The following POU2F2 variants were observed in gnomAD, a reference collection of about 807,000 sequenced individuals.
The protein encoded by POU2F2 is POU domain, class 2, transcription factor 2.
POU2F2 carries 14 observed loss-of-function variants against 63.5 expected under a neutral mutation model. The ratio of observed to expected loss-of-function variants is 0.22; its 90% confidence interval spans 0.15 to 0.34. The LOEUF is 0.34. Among genes scored for constraint, POU2F2 ranks in the 10% least tolerant of loss-of-function variants. POU2F2 has a pLI of 1.00. For synonymous variants in POU2F2, 306 were observed against 348.6 expected, an observed-to-expected ratio of 0.88 and a Z score of 1.36; for missense variants, 607 against 815.2, an observed-to-expected ratio of 0.74 and a Z score of 3.11.
At chr19:42,128,146 A>G (rs947218313) in intron 1 of POU2F2, among the ~76,000 whole-genome samples, 1 of 151,922 alleles carries the variant, frequency 6.6e-6, no homozygotes. Context: ...CTCCACCCCA[A>G]CTGTGGGCTC....
At chr19:42,161,833 C>T (rs901183059) in intron 1 of POU2F2, among the ~76,000 whole-genome samples, 22 of 152,158 alleles carry the variant, frequency 1.4e-4, no homozygotes, top group African/African-American at 4.6e-4. Context: ...GGGGCTGCTT[C>T]CCCCCAGCCC....
At chr19:42,154,315 G>A (rs1324744050) in intron 2 of POU2F2, among the ~76,000 whole-genome samples, 6 of 152,000 alleles carry the variant, frequency 3.9e-5, no homozygotes, top group Non-Finnish European at 8.8e-5. Context: ...GGCACACGCA[G>A]AGAGATGCAC....
At chr19:42,133,939 G>A (rs1247956174), upstream of POU2F2, among the ~76,000 whole-genome samples, 1 of 152,098 alleles carries the variant, frequency 6.6e-6, no homozygotes, top group Non-Finnish European at 1.5e-5. This position sits in a 1 kb window ranked among gnomAD's most constrained non-coding sequence, Gnocchi z 5.1. Flanking sequence ...GGGCACAACA[G>A]GAAGGACTGG....
intron 2 of POU2F2, among the ~76,000 whole-genome samples, chr19:42,145,487 T>A (rs143332693): frequency 1.3e-5 from 2 of 152,254 alleles, no homozygotes; most frequent in Non-Finnish European, 1.5e-5. Flanking sequence ...CCAGATCGCA[T>A]GAGACACAGT....
Position 42,117,435 on chromosome 19 carries a change from G to T in POU2F2, c.187-3C>A. On this transcript the variant is annotated splice_region_variant and splice_polypyrimidine_tract_variant and intron_variant, in intron 4 of 14. Transcript: ENST00000692977. The surrounding 1 kb of genome is among the most constrained non-coding windows in gnomAD (Gnocchi z 4.4). ...TGGAGGCCAGAGAGAATGCCCACCT[G>T]TGAACCAAAGAGAGGGCACGTGTGT... is the stretch of plus-strand genomic sequence containing the variant. The T allele has an allele frequency of 8.9e-7, 1 of 1,129,612 alleles. No individual in the cohort carries two copies. The highest frequency in any genetic ancestry group is 1.3e-6 in the Non-Finnish European group (1 of 783,436). The allele number at this position is 1,129,612 out of a possible 1,614,324, so 70.0% of individuals were successfully genotyped here.
At chr19:42,187,115 C>T (rs186289006) in intron 1 of POU2F2, among the ~76,000 whole-genome samples, 14 of 152,022 alleles carry the variant, frequency 9.2e-5, no homozygotes, top group African/African-American at 2.9e-4. Context: ...AAGAATACGC[C>T]GAATGTGAAG....
intron 1 of POU2F2, among the ~76,000 whole-genome samples, chr19:42,195,023 GAGGAACGAAGGGAGGGAGGGAGGA>G (rs2035119265): frequency 2.5e-5 from 2 of 81,036 alleles, no homozygotes; most frequent in African/African-American, 4.7e-5. Context: ...GGGAGGGAGG[GAGGAACGAAGGGAGGGAGGGAGGA>G]AGGAAGGGAG....
intron 2 of POU2F2, among the ~76,000 whole-genome samples, chr19:42,149,410 A>G (rs1449310400): frequency 6.6e-6 from 1 of 152,120 alleles, no homozygotes; most frequent in Non-Finnish European, 1.5e-5. Context: ...GGGAGGGGAG[A>G]TGAACCAAGA....
intron 2 of POU2F2, among the ~76,000 whole-genome samples, chr19:42,142,726 C>T (rs754267507): frequency 6.6e-6 from 1 of 152,002 alleles, no homozygotes; most frequent in Non-Finnish European, 1.5e-5. Context: ...CCACACCCAG[C>T]TAAGTTTTGT....
upstream of POU2F2, chr19:42,133,625 T>C (rs1344744311): frequency 6.5e-6 from 1 of 154,426 alleles, no homozygotes; most frequent in African/African-American, 2.4e-5. This position sits in a 1 kb window ranked among gnomAD's most constrained non-coding sequence, Gnocchi z 5.1. Flanking sequence ...ACCCCAGCAC[T>C]TCACACACAC....
intron 2 of POU2F2, among the ~76,000 whole-genome samples, chr19:42,150,644 A>G (rs913099378): frequency 2.2e-5 from 3 of 139,462 alleles, no homozygotes; most frequent in Non-Finnish European, 3.1e-5. Flanking sequence ...TCCCCCCTGC[A>G]CCCCCCTCCC....
At chr19:42,109,672 G>A (rs2030759227) in intron 5 of POU2F2, among the ~76,000 whole-genome samples, 1 of 152,134 alleles carries the variant, frequency 6.6e-6, no homozygotes, top group Non-Finnish European at 1.5e-5. Context: ...ACAGGGTCTT[G>A]CTCTGTTACC....
At chr19:42,151,248 C>T (rs117285798) in intron 2 of POU2F2, among the ~76,000 whole-genome samples, 14,126 of 139,374 alleles carry the variant, frequency 0.1, 896 homozygotes, top group South Asian at 0.21. Context: ...CTGACACTGG[C>T]GGGATGGCCT....
chr19:42,110,700 C>T (rs1481596570), intron 5 of POU2F2: 1 of 456,038 alleles, frequency 2.2e-6, no homozygotes, highest in Non-Finnish European at 4.4e-6. Context: ...CCGTTCCTTA[C>T]CCTCTTTAAG....
At chr19:42,178,456 T>C (rs1410156523), upstream of POU2F2, among the ~76,000 whole-genome samples, 2 of 151,568 alleles carry the variant, frequency 1.3e-5, no homozygotes, top group African/African-American at 2.4e-5. Flanking sequence ...GTTGCAGAGA[T>C]ACAGAGATAG....
chr19:42,153,650 G>A lies in POU2F2; in HGVS notation c.-9+6682C>T, dbSNP rs910146569. 4.6e-5 allele frequency among the ~76,000 whole-genome samples: 7 copies of A among 152,104 alleles called. No homozygotes were observed. The highest frequency in any genetic ancestry group is 4.2e-4 in the South Asian group (2 of 4,810). ...CTCATGAGTGTCGGAGAGTCCATGC[G>A]GTTTCTCTGTGTGTCTATGTGATGC... On this transcript the variant is annotated intron_variant, in intron 2 of 6. Transcript: ENST00000524801. The surrounding 1 kb of genome is among the most constrained non-coding windows in gnomAD (Gnocchi z 5.6).
intron 4 of POU2F2, 28 bp downstream of exon 4, chr19:42,122,098 T>C: frequency 1.9e-6 from 3 of 1,596,354 alleles, no homozygotes; most frequent in Non-Finnish European, 2.6e-6. Flanking sequence ...CGCTGCCCAC[T>C]TCCCTGGCTG....
At chr19:42,193,727 C>T (rs775519743) in intron 1 of POU2F2, among the ~76,000 whole-genome samples, 6 of 152,210 alleles carry the variant, frequency 3.9e-5, no homozygotes, top group Non-Finnish European at 7.3e-5. Flanking sequence ...CCCATGCATA[C>T]GCATACCTAT....
At chr19:42,168,312 C>T (rs1310226243) in intron 1 of POU2F2, among the ~76,000 whole-genome samples, 6 of 152,204 alleles carry the variant, frequency 3.9e-5, no homozygotes, top group Non-Finnish European at 8.8e-5. Context: ...TGTCTAGTCC[C>T]TCTCAAAACT....
Sources: allele counts gnomAD v4.1 joint callset (sites outside exome capture counted in the v4.1 genomes callset), GRCh38; gene constraint gnomAD v4.1.1; non-coding constraint Gnocchi (gnomAD v3.1); transcripts MANE v1.5; gene names NCBI Gene and HGNC (gene_info 2026-07-23, HGNC 2026-07-21).